PCDHGA4: variants seen among roughly 807,000 people sequenced by gnomAD.
The protein encoded by PCDHGA4 is protocadherin gamma subfamily A, 4.
In PCDHGA4, 38 loss-of-function variants were observed where a neutral mutation model predicts 54.6. The observed-to-expected ratio is 0.70, with a 90% CI of 0.54 to 0.91. The LOEUF (loss-of-function observed/expected upper bound fraction) is 0.91, where lower values mean the gene tolerates loss of function less well. Among genes scored for constraint, PCDHGA4 ranks in the 40% least tolerant of loss-of-function variants. The probability of loss-of-function intolerance (pLI) is 0.00; values close to 1 mark genes in which losing one functional copy is unlikely to be tolerated. For missense variants in PCDHGA4, 1,298 were observed against 1,220.9 expected (o/e 1.06, Z -0.94); for synonymous variants, 511 against 512.9 (o/e 1.00, Z 0.05).
At chr5:141,395,359 G>T in intron 1 of PCDHGA4, 2 of 1,289,368 alleles carry the variant, frequency 1.6e-6, no homozygotes, top group East Asian at 5.1e-5. Flanking sequence ...CAGAGTTTTG[G>T]GTTTATTTTG....
chr5:141,409,670 T>C lies in PCDHGA4; in HGVS notation c.2514+52049T>C, dbSNP rs2095300697. 1.9e-6 allele frequency: 3 copies of C among 1,613,486 alleles called. No homozygotes were observed. In the East Asian group the frequency reaches 6.7e-5, roughly 36 times the overall value. ...GGGGCTCAATGGCCACATCTCCTACTCTATAGTGGCGAGTGACCTAGAGCC... is the reference window on the plus strand; with the variant it reads ...GGGGCTCAATGGCCACATCTCCTACCCTATAGTGGCGAGTGACCTAGAGCC... On this transcript the variant is annotated intron_variant, in intron 1 of 3. Transcript: ENST00000571252.
chr5:141,415,848 A>C (rs1222834072), intron 1 of PCDHGA4: 1 of 1,241,178 alleles, frequency 8.1e-7, no homozygotes, highest in Non-Finnish European at 1.0e-6. Context: ...GCTTTGCAGA[A>C]CCTTGTAGTT....
At chr5:141,500,278 G>A (rs1338703900) in intron 2 of PCDHGA4, among the ~76,000 whole-genome samples, 2 of 150,508 alleles carry the variant, frequency 1.3e-5, no homozygotes, top group East Asian at 2.0e-4. Context: ...GCGCAATCTC[G>A]GCTCACTGCA....
In PCDHGA4 at chr5:141,431,377, T is replaced by A; in HGVS notation, c.2515-63430T>A. 1 of 1,613,426 alleles carries A rather than the reference T, an allele frequency of 6.2e-7. No individual in the cohort carries two copies. Among genetic ancestry groups the A allele is most frequent in the Non-Finnish European group, 8.5e-7 (1 of 1,179,558 alleles). ...GCGCCCTGGACCGCGAAGAAAAGGC[T>A]GCTCACCACCTGGTCCTTACGGCCT... is the stretch of plus-strand genomic sequence containing the variant. On this transcript the variant is annotated intron_variant, in intron 1 of 3. Coordinates refer to ENST00000571252, the MANE Select transcript of PCDHGA4 (RefSeq NM_018917.4). This position sits in a 1 kb window ranked among gnomAD's most constrained non-coding sequence, Gnocchi z 4.8.
chr5:141,393,979 AT>A (rs2092890598), intron 1 of PCDHGA4: 1 of 1,613,732 alleles, frequency 6.2e-7, no homozygotes, highest in South Asian at 1.1e-5. Context: ...ACACGTGATA[AT>A]TTACCTTTTA....
At chr5:141,360,342 C>A in intron 1 of PCDHGA4, 1 of 1,613,836 alleles carries the variant, frequency 6.2e-7, no homozygotes. Flanking sequence ...TGCGGGTTAG[C>A]GCGGAGAAGG....
At chr5:141,498,881 T>C (rs9686648) in intron 2 of PCDHGA4, among the ~76,000 whole-genome samples, 77,838 of 149,554 alleles carry the variant, frequency 0.52, 20,828 homozygotes, top group African/African-American at 0.65. Flanking sequence ...TGCAGTGAGC[T>C]GAGATCACAC....
chr5:141,356,746 GCT>G lies in PCDHGA4; in HGVS notation c.1642_1643del (p.Cys549LeufsTer5). The G allele has an allele frequency of 1.2e-6, 2 of 1,613,970 alleles. No homozygotes were observed. On this transcript the variant is annotated frameshift_variant, in exon 1 of 4. Coordinates refer to ENST00000571252, the MANE Select transcript of PCDHGA4 (RefSeq NM_018917.4). LOFTEE classifies it high-confidence loss of function. ...SINSNTGILY[A>X]LCSFDYEQFR... ...CAACTCCAATACAGGGATCCTATAT[GCT>G]CTTTGCTCCTTCGACTATGAGCAGT... is the stretch of plus-strand genomic sequence containing the variant.
chr5:141,408,437 G>A (rs368564960), intron 1 of PCDHGA4: 1 of 1,614,068 alleles, frequency 6.2e-7, no homozygotes, highest in Admixed American at 1.7e-5. Flanking sequence ...CAGCGTAGAC[G>A]CGGAGAGCGG....
At chr5:141,478,524 C>T in intron 1 of PCDHGA4, 1 of 1,609,844 alleles carries the variant, frequency 6.2e-7, no homozygotes, top group Non-Finnish European at 8.5e-7. Flanking sequence ...GTGTTGGGTG[C>T]AGAGAGCGCC....
At chr5:141,507,563 G>A (rs2099861587) in intron 3 of PCDHGA4, among the ~76,000 whole-genome samples, 1 of 152,222 alleles carries the variant, frequency 6.6e-6, no homozygotes, top group Non-Finnish European at 1.5e-5. Flanking sequence ...CAGGCGGCTG[G>A]GTCTGAGGAG....
intron 1 of PCDHGA4, chr5:141,364,610 G>A (rs772530649): frequency 1.2e-6 from 2 of 1,614,152 alleles, no homozygotes; most frequent in South Asian, 1.1e-5. Context: ...AGACCGGGAG[G>A]AGCTCTGCGC....
chr5:141,371,565 C>A (rs373548501), intron 1 of PCDHGA4: 57 of 1,613,742 alleles, frequency 3.5e-5, no homozygotes, highest in Non-Finnish European at 4.6e-5. Context: ...AGGAAACTTC[C>A]CCTTTAAAAT....
chr5:141,493,937 A>G lies in PCDHGA4; in HGVS notation c.2515-870A>G, dbSNP rs931274307. Among the ~76,000 whole-genome samples the G allele has an allele frequency of 6.6e-6, 1 of 152,212 alleles. No individual in the cohort carries two copies. The highest frequency in any genetic ancestry group is 1.5e-5 in the Non-Finnish European group (1 of 68,022). ...GGATAACACACCCCCTGGAAAGACCAGAAGGGACTCAGGAATGAAGTGGCT... is the reference window on the plus strand; with the variant it reads ...GGATAACACACCCCCTGGAAAGACCGGAAGGGACTCAGGAATGAAGTGGCT... On this transcript the variant is annotated intron_variant, in intron 1 of 3. Coordinates refer to ENST00000571252, the MANE Select transcript of PCDHGA4 (RefSeq NM_018917.4). This position sits in a 1 kb window ranked among gnomAD's most constrained non-coding sequence, Gnocchi z 4.3.
chr5:141,382,728 C>T, intron 1 of PCDHGA4: 1 of 545,686 alleles, frequency 1.8e-6, no homozygotes. Context: ...AGTTTTACAG[C>T]ACAGAGAAAC....
intron 1 of PCDHGA4, chr5:141,373,923 A>ACGGGAAAG: frequency 1.5e-6 from 1 of 658,156 alleles, no homozygotes; most frequent in African/African-American, 1.9e-5. Flanking sequence ...AGCAAATTAG[A>ACGGGAAAG]CGGGAAAGCA....
At chr5:141,460,961 A>ATATGTGTG (rs1463306338) in intron 1 of PCDHGA4, among the ~76,000 whole-genome samples, 3 of 144,556 alleles carry the variant, frequency 2.1e-5, no homozygotes, top group African/African-American at 7.8e-5. Context: ...GTATATATAT[A>ATATGTGTG]TGTGTGTGTG....
chr5:141,452,494 T>C (rs1186924396), intron 1 of PCDHGA4, among the ~76,000 whole-genome samples: 2 of 152,192 alleles, frequency 1.3e-5, no homozygotes, highest in African/African-American at 4.8e-5. Flanking sequence ...CACACCCATA[T>C]TTATATTTGT....
intron 1 of PCDHGA4, chr5:141,478,229 T>C: frequency 6.2e-7 from 1 of 1,614,074 alleles, no homozygotes; most frequent in Non-Finnish European, 8.5e-7. Flanking sequence ...TTCTGTGGGG[T>C]TTGTGGTCAC....
Sources: gnomAD v4.1 joint callset for allele counts (sites outside exome capture counted in the v4.1 genomes callset) on GRCh38, gnomAD v4.1.1 for gene constraint, Gnocchi (gnomAD v3.1) non-coding constraint, MANE v1.5 for transcripts, NCBI Gene and HGNC (gene_info 2026-07-23, HGNC 2026-07-21) for gene names.